POLR3A: variants seen among roughly 807,000 people sequenced by gnomAD.
POLR3A encodes the protein DNA-directed RNA polymerase III subunit RPC1.
In POLR3A, 112 loss-of-function variants were observed where a neutral mutation model predicts 152.8. The ratio of observed to expected loss-of-function variants is 0.73; its 90% CI spans 0.63 to 0.86. POLR3A has a LOEUF of 0.86. Among genes scored for constraint, POLR3A ranks in the 40% least tolerant of loss-of-function variants. The pLI is 0.00. For synonymous variants in POLR3A, 615 were observed against 652.1 expected (o/e 0.94, Z 0.87); for missense variants, 1,385 against 1,743.1 (o/e 0.79, Z 3.66).
At chr10:78,021,386 T>A (rs756112607) in intron 8 of POLR3A, among the ~76,000 whole-genome samples, 160 bp downstream of exon 8, 1 of 152,204 alleles carries the variant, frequency 6.6e-6, no homozygotes, top group Non-Finnish European at 1.5e-5. Flanking sequence ...CCACCAACTA[T>A]GTATAAAGCA....
At chr10:78,000,209 T>C in intron 18 of POLR3A, 91 bp from the exon 19 acceptor site, 1 of 1,115,678 alleles carries the variant, frequency 9.0e-7, no homozygotes, top group Non-Finnish European at 1.3e-6. Flanking sequence ...TGCCCCACCT[T>C]GAGACTATAA....
At position 77,980,132 on chromosome 10, in the gene POLR3A, C is replaced by G. The variant is rs1847126027; in HGVS notation, c.4024+9G>C. On this transcript the variant is annotated intron_variant, in intron 30 of 30. Coordinates refer to ENST00000372371, the MANE Select transcript of POLR3A (RefSeq NM_007055.4). Reference sequence around the variant, plus strand: ...CCTTTGATGCTGTTCATAGAAACATCAAACCTACCACACACAGAGTCCTTC... The same window carrying G: ...CCTTTGATGCTGTTCATAGAAACATGAAACCTACCACACACAGAGTCCTTC... 1 of 1,613,620 alleles carries G rather than the reference C, an allele frequency of 6.2e-7. No individual in the cohort carries two copies. Among genetic ancestry groups the G allele is most frequent in the Non-Finnish European group, 8.5e-7 (1 of 1,179,558 alleles).
rs778589872 is a variant in POLR3A at position 78,025,707 on chromosome 10, T to A, written c.233A>T (p.Asp78Val). ...PCETCGKNLA[D>V]CLGHYGYIDL... is the part of the protein sequence containing the mutation. ...GATATACCCATAGTGGCCTAGACAG[T>A]CAGCCAAGTTTTTCCCACAGGTTTC... is the stretch of plus-strand genomic sequence containing the variant. The change falls in exon 3 of 31, where the codon GAC becomes GTC. Residue 78 changes from aspartate (D) to valine (V), a missense_variant. Physicochemically the swap from Asp to Val is radical, Grantham distance 152 (BLOSUM62 -3). Transcript: ENST00000372371. 1 of 1,613,984 alleles carries A rather than the reference T, an allele frequency of 6.2e-7. No individual in the cohort carries two copies. The highest frequency in any genetic ancestry group is 1.1e-5 in the South Asian group (1 of 91,074).
At chr10:77,989,522 G>T (rs1266684903) in intron 21 of POLR3A, among the ~76,000 whole-genome samples, 2 of 152,216 alleles carry the variant, frequency 1.3e-5, no homozygotes, top group Non-Finnish European at 2.9e-5. Flanking sequence ...GACATATGGT[G>T]AGGGCTAAAC....
In POLR3A at chr10:77,977,399, G is replaced by C; in HGVS notation, c.*79C>G. ...TGGGGACCTCAGGACCCCCGTCCCA[G>C]GGAGCACAAAACTCTTTATACATCA... On this transcript the variant is annotated 3_prime_UTR_variant, in exon 31 of 31. Transcript: ENST00000372371. The C allele has an allele frequency of 6.7e-7, 1 of 1,499,256 alleles. No homozygotes were observed. The highest frequency in any genetic ancestry group is 9.3e-7 in the Non-Finnish European group (1 of 1,076,894). 92.9% of individuals were successfully genotyped at this position (1,499,256 alleles called of 1,614,324 possible).
chr10:77,984,238 C>T lies in POLR3A; in HGVS notation c.3303G>A (p.Val1101=), dbSNP rs939843080. 1.2e-6 allele frequency: 2 copies of T among 1,612,770 alleles called. No homozygotes were observed. Among genetic ancestry groups the T allele is most frequent in the Non-Finnish European group, 1.7e-6 (2 of 1,178,910 alleles). ...KDDDADYARL[V]KGRIEKTLLG... Reference sequence around the variant, plus strand: ...AGAGGGTTTTCTCAATTCTCCCTTTCACGAGGCGAGCATAATCCGCGTCGT... The same window carrying T: ...AGAGGGTTTTCTCAATTCTCCCTTTTACGAGGCGAGCATAATCCGCGTCGT... Residue 1101 remains valine (V), a synonymous_variant, in exon 25 of 31, where the codon GTG becomes GTA. Transcript: ENST00000372371.
At chr10:78,017,465 T>A (rs1168820149) in intron 10 of POLR3A, 110 bp downstream of exon 10, 7 of 1,164,418 alleles carry the variant, frequency 6.0e-6, no homozygotes, top group Non-Finnish European at 7.4e-6. Flanking sequence ...AAAAAAGTTA[T>A]GAAAACTTGA....
Position 78,022,400 on chromosome 10 carries a change from A to G in POLR3A, c.646-16T>C. The G allele has an allele frequency of 6.2e-7, 1 of 1,612,664 alleles. No homozygotes were observed. The highest frequency in any genetic ancestry group is 8.5e-7 in the Non-Finnish European group (1 of 1,179,936). On this transcript the variant is annotated splice_polypyrimidine_tract_variant and intron_variant, in intron 5 of 30. Coordinates refer to ENST00000372371, the MANE Select transcript of POLR3A (RefSeq NM_007055.4). ...TCAAGTTTTCCTATGGAAACGAAGA[A>G]AGGCAGAAATGGAGATACTATGTTA...
rs11002379 is a variant in POLR3A, at chr10:78,029,070, T to C, written c.44+294A>G. ...ATAGTTCGCTGAAGAACAGGGATCA[T>C]TGTATGACTTCAGGAGAATGCGAGC... On this transcript the variant is annotated intron_variant, in intron 1 of 30. Coordinates refer to ENST00000372371, the MANE Select transcript of POLR3A (RefSeq NM_007055.4). 0.067 allele frequency among the ~76,000 whole-genome samples: 10,120 copies of C among 152,166 alleles called. 1,105 individuals are homozygous for C. Among genetic ancestry groups the C allele is most frequent in the African/African-American group, 0.22 (9,305 of 41,498 alleles).
rs1335962602 is a variant in POLR3A, at chr10:77,996,639, A to C, written c.2617-3272T>G. On this transcript the variant is annotated intron_variant, in intron 19 of 30. Coordinates refer to ENST00000372371, the MANE Select transcript of POLR3A (RefSeq NM_007055.4). ...AGAAGTTGAATCTCTGAATAGACCA[A>C]TAACAGGAGCTGAAATTGAGGCAAT... Among the ~76,000 whole-genome samples the C allele has an allele frequency of 6.6e-5, 10 of 151,420 alleles. No homozygotes were observed. The South Asian group carries it at 2.1e-3, about 31-fold the overall frequency.
At position 78,026,078 on chromosome 10, in the gene POLR3A, G is replaced by C. The variant is rs756205253; in HGVS notation, c.180+16C>G. The C allele has an allele frequency of 1.9e-6, 3 of 1,613,710 alleles. No homozygotes were observed. In the African/African-American group the frequency reaches 4.0e-5, roughly 22 times the overall value. On this transcript the variant is annotated intron_variant, in intron 2 of 30. Transcript: ENST00000372371. The stretch of plus-strand genomic sequence containing the variant: ...AGGGCAAGACACAGTTACCAGGAGG[G>C]GTGAGGGGGCCTTACCATCCTATGG...
intron 1 of POLR3A, 97 bp downstream of exon 1, chr10:78,029,267 A>G (rs1847666906): frequency 2.4e-6 from 3 of 1,252,604 alleles, no homozygotes; most frequent in Admixed American, 1.7e-5. Context: ...TCCCCTTCCC[A>G]TTGCACCCCA....
At chr10:77,978,745 C>T (rs1349609421) in intron 30 of POLR3A, among the ~76,000 whole-genome samples, 2 of 150,330 alleles carry the variant, frequency 1.3e-5, no homozygotes, top group Non-Finnish European at 3.0e-5. Flanking sequence ...ACTGCAACCT[C>T]TGCCTCCCAG....
At chr10:77,988,470 C>T (rs904578140) in intron 21 of POLR3A, among the ~76,000 whole-genome samples, 4 of 151,426 alleles carry the variant, frequency 2.6e-5, no homozygotes, top group Admixed American at 6.6e-5. Context: ...TGCAGTGAGC[C>T]GAGATTGTGA....
At chr10:78,024,890 A>C in intron 4 of POLR3A, 81 bp downstream of exon 4, 1 of 1,548,652 alleles carries the variant, frequency 6.5e-7, no homozygotes, top group Non-Finnish European at 8.9e-7. Context: ...TGACTCCCGA[A>C]CATTATGTAA....
Position 77,986,162 on chromosome 10 carries a change from G to A in POLR3A, c.2902-3C>T. 1 of 1,370,186 alleles carries A rather than the reference G, an allele frequency of 7.3e-7. No homozygotes were observed. 84.9% of individuals were successfully genotyped at this position (1,370,186 alleles called of 1,614,324 possible). On this transcript the variant is annotated splice_polypyrimidine_tract_variant and splice_region_variant and intron_variant, in intron 21 of 30. Transcript: ENST00000372371. ...CCCTTAATGAATTTTTTTATTTCCT[G>A]AAAGATTACACAGCAAACATCATTT...
chr10:77,977,743 CA>C (rs1045189860), intron 30 of POLR3A, 117 bp from the exon 31 acceptor site: 6 of 852,828 alleles, frequency 7.0e-6, no homozygotes, highest in Admixed American at 1.9e-5. Context: ...CGCCACTCCA[CA>C]TCAACTGAAC....
Position 77,985,942 on chromosome 10 carries a change from A to C in POLR3A, c.3032T>G (p.Val1011Gly). 1 of 1,614,108 alleles carries C rather than the reference A, an allele frequency of 6.2e-7. No individual in the cohort carries two copies. Residue 1011 changes from valine to glycine, a missense_variant, in exon 23 of 31, where the codon GTA (valine) becomes GGA (glycine). Physicochemically the swap from Val to Gly is moderately radical, Grantham distance 109. Coordinates refer to ENST00000372371, the MANE Select transcript of POLR3A (RefSeq NM_007055.4). ...YQLDRITPTQ[V>G]EKFLETCRDK... is the part of the protein sequence containing the mutation. ...CCTACAGGTCTCCAGAAACTTTTCT[A>C]CTTGGGTGGGGGTGATGCGGTCCAG...
At chr10:77,998,822 A>T (rs532913702) in intron 19 of POLR3A, among the ~76,000 whole-genome samples, 189 of 152,208 alleles carry the variant, frequency 1.2e-3, no homozygotes, top group Admixed American at 4.4e-3. Context: ...AAGGATTATA[A>T]ATCATGCTGC....
Sources: gnomAD v4.1 joint callset for allele counts (sites outside exome capture counted in the v4.1 genomes callset) on GRCh38, gnomAD v4.1.1 for gene constraint, MANE v1.5 for transcripts, NCBI Gene and HGNC (gene_info 2026-07-23, HGNC 2026-07-21) for gene names.